The following NAT8L variants were observed in gnomAD, a reference collection of about 807,000 sequenced individuals.
NAT8L encodes the protein aspartate N-acetyltransferase.
A neutral mutation model predicts 21.2 loss-of-function variants in NAT8L; 6 were observed. The ratio of observed to expected loss-of-function variants is 0.28; its 90% CI spans 0.16 to 0.56. The LOEUF (loss-of-function observed/expected upper bound fraction) is 0.56. NAT8L is among the 20% of genes least tolerant of loss of function. The probability of loss-of-function intolerance (pLI) is 0.93; values close to 1 mark genes in which losing one functional copy is unlikely to be tolerated. For synonymous variants in NAT8L, 239 were observed against 204.9 expected (o/e 1.17, Z -1.42); for missense variants, 331 against 433.3 (o/e 0.76, Z 2.10).
In NAT8L at chr4:2,060,399, A is replaced by T. The variant is rs918368686; in HGVS notation, c.376+512A>T. On this transcript the variant is annotated intron_variant, in intron 1 of 2. Coordinates refer to ENST00000423729, the MANE Select transcript of NAT8L (RefSeq NM_178557.4). The surrounding 1 kb of genome is among the most constrained non-coding windows in gnomAD (Gnocchi z 4.7). ...CCCCTCAGAGCTTCCTGCCGGGGTGAGGGGGTTCGCTCCCATTTTACAGAT... is the reference window on the plus strand; with the variant it reads ...CCCCTCAGAGCTTCCTGCCGGGGTGTGGGGGTTCGCTCCCATTTTACAGAT... Among the ~76,000 whole-genome samples the T allele has an allele frequency of 2.6e-5, 4 of 152,124 alleles. No individual in the cohort carries two copies. The highest frequency in any genetic ancestry group is 9.6e-5 in the African/African-American group (4 of 41,506).
At position 2,064,353 on chromosome 4, in the gene NAT8L, C is replaced by T. The variant is rs1229677901; in HGVS notation, c.*226C>T. ...TTTGTCGCCATAGCCCCTCGCCCTT[C>T]CCCACCTGCCTGGGCGGCTTGCCAC... On this transcript the variant is annotated 3_prime_UTR_variant, in exon 3 of 3. Coordinates refer to ENST00000423729, the MANE Select transcript of NAT8L (RefSeq NM_178557.4). The T allele has an allele frequency of 8.3e-5, 18 of 216,918 alleles. No homozygotes were observed. In the East Asian group the frequency reaches 1.8e-3, roughly 22 times the overall value. The allele number at this position is 216,918 out of a possible 1,614,324, so 13.4% of individuals were successfully genotyped here.
rs1730057976 is a variant in NAT8L, at chr4:2,068,678, G to A, written c.*4551G>A. ...CTGTGTGTGTACTTGCATATATGTG[G>A]CTGTGCAGGTACCCGGCGGTGGTGG... On this transcript the variant is annotated 3_prime_UTR_variant, in exon 3 of 3. Coordinates refer to ENST00000423729, the MANE Select transcript of NAT8L (RefSeq NM_178557.4). 2.0e-5 allele frequency: 3 copies of A among 152,268 alleles called. No individual in the cohort carries two copies. The highest frequency in any genetic ancestry group is 2.0e-4 in the Admixed American group (3 of 15,280). 9.4% of individuals were successfully genotyped at this position (152,268 alleles called of 1,614,324 possible).
intron 2 of NAT8L, among the ~76,000 whole-genome samples, chr4:2,063,532 C>T (rs973841255): frequency 6.6e-6 from 1 of 152,214 alleles, no homozygotes; most frequent in Non-Finnish European, 1.5e-5. Context: ...GCTTAAGGAG[C>T]TCTGGAGGGG....
chr4:2,064,193 C>T lies in NAT8L; in HGVS notation c.*66C>T, dbSNP rs1390016438. ...CGCCTTTGCCCGCCTGCCCGCCGCC[C>T]GGCGCGGCCTGCTTTCAGACGCTCA... On this transcript the variant is annotated 3_prime_UTR_variant, in exon 3 of 3. Coordinates refer to ENST00000423729, the MANE Select transcript of NAT8L (RefSeq NM_178557.4). 4 of 1,112,248 alleles carry T rather than the reference C, an allele frequency of 3.6e-6. No individual in the cohort carries two copies. The highest frequency in any genetic ancestry group is 4.5e-6 in the Non-Finnish European group (4 of 895,216). 68.9% of individuals were successfully genotyped at this position (1,112,248 alleles called of 1,614,324 possible).
At chr4:2,063,002 G>T (rs1253348268) in intron 2 of NAT8L, among the ~76,000 whole-genome samples, 1 of 152,166 alleles carries the variant, frequency 6.6e-6, no homozygotes, top group South Asian at 2.1e-4. Context: ...TCCCCTGCCG[G>T]TTCCCCTCCC....
rs1454975238 is a variant in NAT8L at position 2,060,981 on chromosome 4, G to C, written c.377-17G>C. The stretch of plus-strand genomic sequence containing the variant: ...GGGACCCCCGCCGCGCCGCTGACCC[G>C]CGCCCTCTGCCCCCAGCGCTGTGCT... On this transcript the variant is annotated splice_polypyrimidine_tract_variant and intron_variant, in intron 1 of 2. Transcript: ENST00000423729. The surrounding 1 kb of genome is among the most constrained non-coding windows in gnomAD (Gnocchi z 4.7). 2.7e-6 allele frequency: 4 copies of C among 1,461,192 alleles called. No homozygotes were observed. In the East Asian group the frequency reaches 7.6e-5, roughly 28 times the overall value. 90.5% of individuals were successfully genotyped at this position (1,461,192 alleles called of 1,614,324 possible).
rs1408819676 is a variant in NAT8L at position 2,059,854 on chromosome 4, CCG to C, written c.351_352del (p.Gln118AlafsTer153). ...GGCCTTCCGCGGCCTGCGGCAGCAC[CCG>C]CGCGCGCAGCTGCTCTACGCCCTGC... ...NTAFRGLRQH[P>X]RAQLLYALLA... On this transcript the variant is annotated frameshift_variant, in exon 1 of 3. Transcript: ENST00000423729. LOFTEE classifies it high-confidence loss of function. This position sits in a 1 kb window ranked among gnomAD's most constrained non-coding sequence, Gnocchi z 4.8. 1 of 1,379,884 alleles carries C rather than the reference CCG, an allele frequency of 7.2e-7. No individual in the cohort carries two copies. The highest frequency in any genetic ancestry group is 3.6e-5 in the East Asian group (1 of 27,738). 85.5% of individuals were successfully genotyped at this position (1,379,884 alleles called of 1,614,324 possible). A position where few individuals can be genotyped will look rare whatever the true frequency, so the allele number is the denominator to read the frequency against.
chr4:2,061,236 G>C, intron 2 of NAT8L, 74 bp downstream of exon 2: 1 of 1,584,602 alleles, frequency 6.3e-7, no homozygotes, highest in South Asian at 1.1e-5. Flanking sequence ...AGCGACCTCA[G>C]GGCAGGCCTG....
At position 2,066,398 on chromosome 4, in the gene NAT8L, G is replaced by C. The variant is rs921557778; in HGVS notation, c.*2271G>C. On this transcript the variant is annotated 3_prime_UTR_variant, in exon 3 of 3. Transcript: ENST00000423729. ...GGGTGGTTGTGTGCAGAACCCTGCC[G>C]CCCCTGAGGTGAGCAGAGGCACTGG... 1 of 152,228 alleles carries C rather than the reference G, an allele frequency of 6.6e-6. No individual in the cohort carries two copies. Among genetic ancestry groups the C allele is most frequent in the Non-Finnish European group, 1.5e-5 (1 of 68,058 alleles). 9.4% of individuals were successfully genotyped at this position (152,228 alleles called of 1,614,324 possible).
chr4:2,062,183 C>T (rs2108680380), intron 2 of NAT8L, among the ~76,000 whole-genome samples: 1 of 152,286 alleles, frequency 6.6e-6, no homozygotes, highest in African/African-American at 2.4e-5. Flanking sequence ...GGAGGGGTAG[C>T]TGGCAGGGCT....
chr4:2,063,262 C>T (rs553734731), intron 2 of NAT8L, among the ~76,000 whole-genome samples: 50 of 152,336 alleles, frequency 3.3e-4, no homozygotes, highest in South Asian at 8.3e-4. Flanking sequence ...CGTGATGGCC[C>T]GGGTGACCCT....
chr4:2,066,002 G>GGGCA lies in NAT8L; in HGVS notation c.*1878_*1881dup, dbSNP rs1729991478. Reference sequence around the variant, plus strand: ...GTGCGGGGCATGCTGGGGGCAGGAGGGGCAGGGCGGGCCAGGTGGAGTCAG... The same window carrying GGGCA: ...GTGCGGGGCATGCTGGGGGCAGGAGGGGCAGGCAGGGCGGGCCAGGTGGAGTCAG... On this transcript the variant is annotated 3_prime_UTR_variant, in exon 3 of 3. Coordinates refer to ENST00000423729, the MANE Select transcript of NAT8L (RefSeq NM_178557.4). The GGGCA allele has an allele frequency of 6.5e-6, 1 of 152,814 alleles. No individual in the cohort carries two copies. Among genetic ancestry groups the GGGCA allele is most frequent in the African/African-American group, 2.4e-5 (1 of 41,422 alleles). 9.5% of individuals were successfully genotyped at this position (152,814 alleles called of 1,614,324 possible).
Position 2,068,310 on chromosome 4 carries a change from TGTAC to T in NAT8L, c.*4186_*4189del, listed in dbSNP as rs1184493198. 1 of 152,292 alleles carries T rather than the reference TGTAC, an allele frequency of 6.6e-6. No individual in the cohort carries two copies. Among genetic ancestry groups the T allele is most frequent in the Non-Finnish European group, 1.5e-5 (1 of 68,066 alleles). The allele number at this position is 152,292 out of a possible 1,614,324, so 9.4% of individuals were successfully genotyped here. On this transcript the variant is annotated 3_prime_UTR_variant, in exon 3 of 3. Coordinates refer to ENST00000423729, the MANE Select transcript of NAT8L (RefSeq NM_178557.4). ...GTACATGCGTGAGCACGTGTATAGA[TGTAC>T]GTGTGTGTGCGCATGTGTGCGTGTA...
chr4:2,063,047 C>T (rs900345682), intron 2 of NAT8L, among the ~76,000 whole-genome samples: 8 of 152,262 alleles, frequency 5.3e-5, no homozygotes, highest in African/African-American at 1.9e-4. Context: ...GTGCCTGACT[C>T]GAGGTGAGAA....
In NAT8L at chr4:2,059,713, G is replaced by A. The variant is rs1441963370; in HGVS notation, c.202G>A (p.Gly68Arg). 3.6e-6 allele frequency: 4 copies of A among 1,116,078 alleles called. No individual in the cohort carries two copies. In the African/African-American group the frequency reaches 5.0e-5, roughly 14 times the overall value. The allele number at this position is 1,116,078 out of a possible 1,614,324, so 69.1% of individuals were successfully genotyped here. A position where few individuals can be genotyped will look rare whatever the true frequency, so the allele number is the denominator to read the frequency against. The stretch of plus-strand genomic sequence containing the variant: ...GGTGGCTCAGCCTCACGGCGGGGCG[G>A]GGGGCGCGGGGCCGCCGGGGGGGCG... The part of the protein sequence containing the change: ...APVAQPHGGA[G>R]GAGPPGGRGV... The change falls in exon 1 of 3, where the codon GGG (glycine) becomes AGG (arginine). Residue 68 changes from glycine (G) to arginine (R), a missense_variant. Physicochemically the swap from Gly to Arg is moderately radical, Grantham distance 125. This residue lies in a region of NAT8L where 199 missense variants were observed against 196.1 expected (regional missense o/e 1.01). Coordinates refer to ENST00000423729, the MANE Select transcript of NAT8L (RefSeq NM_178557.4). This position sits in a 1 kb window ranked among gnomAD's most constrained non-coding sequence, Gnocchi z 4.8.
At chr4:2,061,289 A>T (rs901709968) in intron 2 of NAT8L, 127 bp downstream of exon 2, 8 of 1,490,624 alleles carry the variant, frequency 5.4e-6, no homozygotes, top group Non-Finnish European at 6.3e-6. Flanking sequence ...GGCCCCTGTG[A>T]CCTGAGCCTT....
In NAT8L at chr4:2,060,022, G is replaced by A. The variant is rs1729822110; in HGVS notation, c.376+135G>A. ...AGCCCCCCGCTTTCTGCCGCGCCGG[G>A]CCCCGCGCAGGGCTGGCTATGGGCG... is the stretch of plus-strand genomic sequence containing the variant. On this transcript the variant is annotated intron_variant, in intron 1 of 2. Coordinates refer to ENST00000423729, the MANE Select transcript of NAT8L (RefSeq NM_178557.4). The surrounding 1 kb of genome is among the most constrained non-coding windows in gnomAD (Gnocchi z 4.7). 4.8e-6 allele frequency: 2 copies of A among 414,826 alleles called. No homozygotes were observed. Among genetic ancestry groups the A allele is most frequent in the Non-Finnish European group, 7.1e-6 (2 of 282,780 alleles). The allele number at this position is 414,826 out of a possible 1,614,324, so 25.7% of individuals were successfully genotyped here. A position where few individuals can be genotyped will look rare whatever the true frequency, so the allele number is the denominator to read the frequency against.
Position 2,061,041 on chromosome 4 carries a change from G to C in NAT8L, c.420G>C (p.Leu140=). The C allele has an allele frequency of 6.3e-7, 1 of 1,588,536 alleles. No individual in the cohort carries two copies. Among genetic ancestry groups the C allele is most frequent in the South Asian group, 1.1e-5 (1 of 87,902 alleles). The change falls in exon 2 of 3, where the codon CTG becomes CTC. Residue 140 remains leucine (L), a synonymous_variant. Transcript: ENST00000423729. ...AVSRSLLLTC[L]VPAALLGLRY... ...GCCGCTCGCTGCTGCTGACGTGCCT[G>C]GTGCCGGCCGCGCTGCTGGGCCTGC...
chr4:2,061,489 G>T (rs923080041), intron 2 of NAT8L, among the ~76,000 whole-genome samples: 1 of 152,222 alleles, frequency 6.6e-6, no homozygotes, highest in African/African-American at 2.4e-5. Flanking sequence ...TGTGCCTTGC[G>T]GGGATGGGGT....
Sources: allele counts gnomAD v4.1 joint callset (sites outside exome capture counted in the v4.1 genomes callset), GRCh38; gene constraint gnomAD v4.1.1; regional missense constraint gnomAD v4.1.1; non-coding constraint Gnocchi (gnomAD v3.1); transcripts MANE v1.5; gene names NCBI Gene and HGNC (gene_info 2026-07-23, HGNC 2026-07-21).